Variants in ACACB observed in about 807,000 individuals in gnomAD.
ACACB encodes the protein acetyl-CoA carboxylase beta, also known as acetyl-CoA carboxylase 2.
In ACACB, 209 loss-of-function variants were observed where a neutral mutation model predicts 278.8. The ratio of observed to expected loss-of-function variants is 0.75; its 90% CI spans 0.67 to 0.84. The LOEUF (loss-of-function observed/expected upper bound fraction) is 0.84. Among genes scored for constraint, ACACB ranks in the 40% least tolerant of loss-of-function variants. ACACB has a pLI of 0.00. For missense variants in ACACB, 2,850 were observed against 3,269.0 expected (o/e 0.87, Z 3.13); for synonymous variants, 1,174 against 1,285.6 (o/e 0.91, Z 1.86).
chr12:109,156,499 G>A (rs1469439227), intron 2 of ACACB, among the ~76,000 whole-genome samples: 1 of 151,940 alleles, frequency 6.6e-6, no homozygotes, highest in African/African-American at 2.4e-5. Flanking sequence ...TTGCACTCCA[G>A]CCTGGGCAAC....
chr12:109,146,648 C>T (rs1364470109), intron 2 of ACACB, among the ~76,000 whole-genome samples: 2 of 152,094 alleles, frequency 1.3e-5, no homozygotes, highest in African/African-American at 2.4e-5. Flanking sequence ...CTTGTTTTGA[C>T]GCTTTGTTGT....
rs146283042 is a variant in ACACB, at chr12:109,260,558, A to G, written c.6575A>G (p.Tyr2192Cys). 136 of 1,614,184 alleles carry G rather than the reference A, an allele frequency of 8.4e-5. No individual in the cohort carries two copies. The African/African-American group carries it at 1.5e-3, about 18-fold the overall frequency. Residue 2192 changes from tyrosine to cysteine, a missense_variant, in exon 48 of 53, where the codon TAT becomes TGT. Tyr to Cys is a radical substitution (Grantham distance 194). Transcript: ENST00000338432. ...LRQYKQPILI[Y>C]IPPYAELRGG... ...CAATACAAACAGCCCATCCTGATCT[A>G]TATCCCGCCCTATGCGGAGCTCCGG...
chr12:109,209,250 T>G lies in ACACB; in HGVS notation c.3146T>G (p.Val1049Gly). 1.9e-6 allele frequency: 3 copies of G among 1,611,584 alleles called. No individual in the cohort carries two copies. The highest frequency in any genetic ancestry group is 2.5e-6 in the Non-Finnish European group (3 of 1,179,676). Residue 1049 changes from valine (V) to glycine (G), a missense_variant, in exon 21 of 53, where the codon GTG (valine) becomes GGG (glycine). By Grantham distance (109) the Val-to-Gly change is moderately radical. Coordinates refer to ENST00000338432, the MANE Select transcript of ACACB (RefSeq NM_001093.4). ...LLELQEIMTS[V>G]AGRIPAPVEK... ...GAGCTGCAGGAGATCATGACCAGCG[T>G]GGCAGGCCGCATCCCCGCCCCTGTG...
intron 10 of ACACB, 71 bp from the exon 11 acceptor site, chr12:109,179,846 T>C: frequency 6.6e-7 from 1 of 1,514,670 alleles, no homozygotes; most frequent in South Asian, 1.2e-5. Flanking sequence ...GTGAAGGAAC[T>C]GATAGTCACC....
At chr12:109,149,110 C>T (rs1287248986) in intron 2 of ACACB, among the ~76,000 whole-genome samples, 1 of 152,112 alleles carries the variant, frequency 6.6e-6, no homozygotes, top group Non-Finnish European at 1.5e-5. Flanking sequence ...GAACCCAGAC[C>T]CTCGTTAGAT....
intron 29 of ACACB, 29 bp downstream of exon 29, chr12:109,232,835 C>G (rs1231892693): frequency 1.2e-6 from 2 of 1,612,996 alleles, no homozygotes; most frequent in Admixed American, 3.3e-5. Context: ...TCTCCAACAC[C>G]CTGAGCATGG....
chr12:109,142,420 A>G (rs990018546), intron 2 of ACACB, among the ~76,000 whole-genome samples: 11 of 152,214 alleles, frequency 7.2e-5, no homozygotes, highest in African/African-American at 2.7e-4. Context: ...GATAATAAAT[A>G]GAAAGGGGGG....
At chr12:109,126,673 G>A (rs1045451604) in intron 1 of ACACB, among the ~76,000 whole-genome samples, 1 of 151,938 alleles carries the variant, frequency 6.6e-6, no homozygotes, top group African/African-American at 2.4e-5. Flanking sequence ...GACAGAGAGA[G>A]ACCTTGTCTC....
At chr12:109,195,673 A>T (rs566156700) in intron 16 of ACACB, among the ~76,000 whole-genome samples, 1 of 152,258 alleles carries the variant, frequency 6.6e-6, no homozygotes, top group East Asian at 1.9e-4. Flanking sequence ...GTGCAAATGC[A>T]GTTTTACAGC....
rs1036000793 is a variant in ACACB at position 109,260,361 on chromosome 12, G to C, written c.6497-119G>C. 3.0e-6 allele frequency: 4 copies of C among 1,324,164 alleles called. No homozygotes were observed. In the African/African-American group the frequency reaches 4.4e-5, roughly 14 times the overall value. 82.0% of individuals were successfully genotyped at this position (1,324,164 alleles called of 1,614,324 possible). A position where few individuals can be genotyped will look rare whatever the true frequency, so the allele number is the denominator to read the frequency against. On this transcript the variant is annotated intron_variant, in intron 47 of 52. Transcript: ENST00000338432. ...ATCAGTACTCTCAAATCCCAGCCCA[G>C]TGCTCTCCAAGCCTCTCAGCTGGGC...
intron 12 of ACACB, 50 bp from the exon 13 acceptor site, chr12:109,187,949 T>C (rs889703353): frequency 2.6e-6 from 4 of 1,566,754 alleles, no homozygotes; most frequent in Non-Finnish European, 3.5e-6. Context: ...GATGAAAATA[T>C]ATCTGGAGTA....
At position 109,191,366 on chromosome 12, in the gene ACACB, A is replaced by G. The variant is rs1353566935; in HGVS notation, c.2145-247A>G. The G allele has an allele frequency of 1.6e-5, 6 of 375,654 alleles. No homozygotes were observed. In the Admixed American group the frequency reaches 2.3e-4, roughly 15 times the overall value. The allele number at this position is 375,654 out of a possible 1,614,324, so 23.3% of individuals were successfully genotyped here. A position where few individuals can be genotyped will look rare whatever the true frequency, so the allele number is the denominator to read the frequency against. The stretch of plus-strand genomic sequence containing the variant: ...GTAGCTGAGATTACAGGCGTCCTCC[A>G]CCATGCTGAGCTAAGTTTTGTATTT... On this transcript the variant is annotated intron_variant, in intron 13 of 52. Coordinates refer to ENST00000338432, the MANE Select transcript of ACACB (RefSeq NM_001093.4).
intron 21 of ACACB, among the ~76,000 whole-genome samples, chr12:109,210,525 A>G (rs748068572): frequency 2.0e-5 from 3 of 148,990 alleles, no homozygotes; most frequent in South Asian, 4.2e-4. Context: ...ATACATGTGT[A>G]TATGTGTATA....
intron 46 of ACACB, 93 bp from the exon 47 acceptor site, chr12:109,258,880 G>A (rs753539056): frequency 1.2e-4 from 177 of 1,509,202 alleles, no homozygotes; most frequent in Non-Finnish European, 1.4e-4. Flanking sequence ...AGATCAGATC[G>A]CCTGCCATCC....
At position 109,222,921 on chromosome 12, in the gene ACACB, G is replaced by C; in HGVS notation, c.3792+9G>C. 1 of 1,587,798 alleles carries C rather than the reference G, an allele frequency of 6.3e-7. No individual in the cohort carries two copies. The highest frequency in any genetic ancestry group is 1.1e-5 in the South Asian group (1 of 88,468). On this transcript the variant is annotated intron_variant, in intron 26 of 52. Transcript: ENST00000338432. The stretch of plus-strand genomic sequence containing the variant: ...GCCCCGAGAACCTCAAGGTGAGCCC[G>C]TCTCCTTCCTTTCACCATCTGCAGA...
In ACACB at chr12:109,193,705, C is replaced by T. The variant is rs373432528; in HGVS notation, c.2457C>T (p.Tyr819=). 8.1e-6 allele frequency: 13 copies of T among 1,613,554 alleles called. No homozygotes were observed. In the East Asian group the frequency reaches 8.9e-5, roughly 11 times the overall value. ...ACCTCGTAGATGTGGAATTAATTTA[C>T]GGAGGTGTTAAGTACATTCTCAAGG... ...LLNLVDVELI[Y]GGVKYILKVA... The change falls in exon 16 of 53, where the codon TAC becomes TAT. Residue 819 remains tyrosine, a synonymous_variant. Transcript: ENST00000338432.
At chr12:109,145,515 C>A (rs1251241661) in intron 2 of ACACB, among the ~76,000 whole-genome samples, 1 of 152,044 alleles carries the variant, frequency 6.6e-6, no homozygotes, top group Non-Finnish European at 1.5e-5. Context: ...TCCATGTGTA[C>A]ACTTTATTTA....
rs1337686177 is a variant in ACACB at position 109,139,850 on chromosome 12, A to G, written c.445A>G (p.Lys149Glu). Residue 149 changes from lysine to glutamate, a missense_variant, in exon 2 of 53, where the codon AAA (lysine) becomes GAA (glutamate). Lys to Glu is a moderately conservative substitution (Grantham distance 56). Coordinates refer to ENST00000338432, the MANE Select transcript of ACACB (RefSeq NM_001093.4). Reference sequence around the variant, plus strand: ...GGGCCAGCAAGCTGGCTCCCCCTCCAAAGAAGACAAGAAGCAGGCAAACAT... The same window carrying G: ...GGGCCAGCAAGCTGGCTCCCCCTCCGAAGAAGACAAGAAGCAGGCAAACAT... ...PQGQQAGSPS[K>E]EDKKQANIKR... 1 of 1,614,120 alleles carries G rather than the reference A, an allele frequency of 6.2e-7. No individual in the cohort carries two copies. The highest frequency in any genetic ancestry group is 8.5e-7 in the Non-Finnish European group (1 of 1,179,996).
chr12:109,190,046 G>T lies in ACACB; in HGVS notation c.2145-1567G>T, dbSNP rs771322964. Among the ~76,000 whole-genome samples the T allele has an allele frequency of 9.4e-4, 143 of 152,150 alleles. 3 individuals are homozygous for T. Among genetic ancestry groups the T allele is most frequent in the Non-Finnish European group, 1.8e-4 (12 of 68,022 alleles). On this transcript the variant is annotated intron_variant, in intron 13 of 52. Transcript: ENST00000338432. The stretch of plus-strand genomic sequence containing the variant: ...GAATTGCTTGAACCTGGGAGATGGA[G>T]GTTGCAGTGAGCTGAGATCGTGCCA...
Sources: allele counts gnomAD v4.1 joint callset (sites outside exome capture counted in the v4.1 genomes callset), GRCh38; gene constraint gnomAD v4.1.1; transcripts MANE v1.5; gene names NCBI Gene and HGNC (gene_info 2026-07-23, HGNC 2026-07-21).